GATA3: variants seen among roughly 807,000 people sequenced by gnomAD.
GATA3 encodes GATA binding protein 3.
In GATA3, 6 loss-of-function variants were observed where a neutral mutation model predicts 36.0. That is an observed-to-expected ratio of 0.17 (90% CI 0.09 to 0.33). The LOEUF (loss-of-function observed/expected upper bound fraction) is 0.33, where lower values mean the gene tolerates loss of function less well. Among genes scored for constraint, GATA3 ranks in the 10% least tolerant of loss-of-function variants. The probability of loss-of-function intolerance (pLI) is 1.00; values close to 1 mark genes in which losing one functional copy is unlikely to be tolerated. For missense variants in GATA3, 514 were observed against 610.1 expected, an observed-to-expected ratio of 0.84 and a Z score of 1.66; for synonymous variants, 326 against 273.0, an observed-to-expected ratio of 1.19 and a Z score of -1.92.
chr10:8,057,110 C>T (rs552771923), intron 2 of GATA3, among the ~76,000 whole-genome samples: 16 of 152,334 alleles, frequency 1.1e-4, no homozygotes, highest in Admixed American at 9.1e-4. Flanking sequence ...GCGGTAGAGG[C>T]AGACTTAATA....
At position 8,069,526 on chromosome 10, in the gene GATA3, C is replaced by A. The variant is rs768077627; in HGVS notation, c.978C>A (p.Thr326=). The change falls in exon 5 of 6, where the codon ACC becomes ACA. Residue 326 remains threonine, a synonymous_variant. Transcript: ENST00000379328. The part of the protein sequence containing the change: ...TSCANCQTTT[T]TLWRRNANGD... ...GTGCGAACTGTCAGACCACCACAAC[C>A]ACACTCTGGAGGAGGAATGCCAATG... The A allele has an allele frequency of 1.9e-6, 3 of 1,614,036 alleles. No individual in the cohort carries two copies. The highest frequency in any genetic ancestry group is 2.5e-6 in the Non-Finnish European group (3 of 1,179,952).
intron 4 of GATA3, among the ~76,000 whole-genome samples, chr10:8,064,925 C>A (rs1832810786): frequency 1.6e-5 from 1 of 63,458 alleles, no homozygotes; most frequent in Non-Finnish European, 3.3e-5. Context: ...CTCTGTCAAG[C>A]ATTTATAAGG....
rs1203967321 is a variant in GATA3, at chr10:8,055,716, GGGCAGCACC to G, written c.62_70del (p.Gly21_Pro24delinsAla). The G allele has an allele frequency of 6.4e-7, 1 of 1,567,500 alleles. No individual in the cohort carries two copies. Among genetic ancestry groups the G allele is most frequent in the Non-Finnish European group, 8.6e-7 (1 of 1,156,434 alleles). ...CCACCACCACCCCGCCGTGCTCAACGGGCAGCACCCGGACACGCACCACCCGGGCCTCAG... is the reference window on the plus strand; with the variant it reads ...CCACCACCACCCCGCCGTGCTCAACGCGGACACGCACCACCCGGGCCTCAG... On this transcript the variant is annotated inframe_deletion, in exon 2 of 6. Coordinates refer to ENST00000379328, the MANE Select transcript of GATA3 (RefSeq NM_001002295.2). This position sits in a 1 kb window ranked among gnomAD's most constrained non-coding sequence, Gnocchi z 5.4.
intron 3 of GATA3, among the ~76,000 whole-genome samples, chr10:8,061,986 G>A (rs745419896): frequency 5.2e-4 from 79 of 152,370 alleles, no homozygotes; most frequent in Middle Eastern, 6.8e-3. Context: ...GACAGGGCCA[G>A]TGCTGCCCCA....
At chr10:8,049,698 G>T (rs1832438767), upstream of GATA3, among the ~76,000 whole-genome samples, 1 of 152,160 alleles carries the variant, frequency 6.6e-6, no homozygotes, top group African/African-American at 2.4e-5. Flanking sequence ...AAACCCTTGC[G>T]CGGCCAGGGT....
At chr10:8,071,883 G>A (rs1832936684) in intron 5 of GATA3, among the ~76,000 whole-genome samples, 1 of 152,124 alleles carries the variant, frequency 6.6e-6, no homozygotes, top group South Asian at 2.1e-4. Context: ...ATCTGGGGTT[G>A]TGTGGCTACT....
rs2131489776 is a variant in GATA3, at chr10:8,058,574, G to C, written c.511G>C (p.Gly171Arg). The change falls in exon 3 of 6, where the codon GGC becomes CGC. Residue 171 changes from glycine (G) to arginine (R), a missense_variant. Physicochemically the swap from Gly to Arg is moderately radical, Grantham distance 125. Transcript: ENST00000379328. ...VSPDPSLSTP[G>R]SAGSARQDEK... The stretch of plus-strand genomic sequence containing the variant: ...CCCGGACCCATCGCTGTCCACCCCA[G>C]GCTCGGCCGGCTCGGCCCGGCAGGA... The C allele has an allele frequency of 6.2e-7, 1 of 1,611,968 alleles. No individual in the cohort carries two copies. Among genetic ancestry groups the C allele is most frequent in the East Asian group, 2.2e-5 (1 of 44,824 alleles).
At chr10:8,056,095 G>C (rs1482228097) in intron 2 of GATA3, among the ~76,000 whole-genome samples, 199 bp downstream of exon 2, 1 of 152,198 alleles carries the variant, frequency 6.6e-6, no homozygotes, top group Non-Finnish European at 1.5e-5. Flanking sequence ...TTTTGAAAGA[G>C]TCGCAGCAGG....
chr10:8,059,210 T>C (rs929917674), intron 3 of GATA3, among the ~76,000 whole-genome samples: 2 of 152,220 alleles, frequency 1.3e-5, no homozygotes, highest in South Asian at 4.1e-4. Flanking sequence ...CTTGAGTGTT[T>C]CATGCTAAAA....
chr10:8,064,311 CTT>C (rs59943653), intron 4 of GATA3, among the ~76,000 whole-genome samples, 173 bp downstream of exon 4: 27 of 51,446 alleles, frequency 5.2e-4, no homozygotes, highest in African/African-American at 1.9e-3. Context: ...TCTTCTTCTT[CTT>C]TTTTTTTTTT....
rs587778379 is a variant in GATA3, at chr10:8,058,511, C to A, written c.448C>A (p.Leu150Ile). The A allele has an allele frequency of 8.1e-6, 13 of 1,612,256 alleles. No homozygotes were observed. In the Admixed American group the frequency reaches 1.3e-4, roughly 17 times the overall value. ...SLSGGHASPH[L>I]FTFPPTPPKD... ...GTCGGGGGGCCACGCCAGCCCGCAC[C>A]TCTTCACCTTCCCGCCCACCCCGCC... The change falls in exon 3 of 6, where the codon CTC (leucine) becomes ATC (isoleucine). Residue 150 changes from leucine to isoleucine, a missense_variant. Leu to Ile is a conservative substitution (Grantham distance 5). Coordinates refer to ENST00000379328, the MANE Select transcript of GATA3 (RefSeq NM_001002295.2).
rs540270725 is a variant in GATA3, at chr10:8,068,827, C to G, written c.925-646C>G. Among the ~76,000 whole-genome samples, 22 of 152,346 alleles carry G rather than the reference C, an allele frequency of 1.4e-4. No individual in the cohort carries two copies. The South Asian group carries it at 4.6e-3, about 32-fold the overall frequency. ...TTGACCTAGGATGTCCTACTTGGCG[C>G]TTCCTCAGGTGTGTCACCCATGTGT... On this transcript the variant is annotated intron_variant, in intron 4 of 5. Coordinates refer to ENST00000379328, the MANE Select transcript of GATA3 (RefSeq NM_001002295.2).
chr10:8,058,239 C>T (rs1832676201), intron 2 of GATA3, 66 bp from the exon 3 acceptor site: 1 of 1,561,814 alleles, frequency 6.4e-7, no homozygotes, highest in Non-Finnish European at 8.8e-7. Flanking sequence ...CCAGGTGTCC[C>T]TGACGGCCTC....
At chr10:8,069,363 A>C (rs1832894437) in intron 4 of GATA3, 110 bp from the exon 5 acceptor site, 1 of 1,153,776 alleles carries the variant, frequency 8.7e-7, no homozygotes, top group Non-Finnish European at 1.3e-6. Context: ...TTTTGATTTC[A>C]ATGATAATTT....
At position 8,074,949 on chromosome 10, in the gene GATA3, A is replaced by T; in HGVS notation, c.*926A>T. On this transcript the variant is annotated 3_prime_UTR_variant, in exon 6 of 6. Coordinates refer to ENST00000379328, the MANE Select transcript of GATA3 (RefSeq NM_001002295.2). ...CTTTTCCATTTTGTTTTTGGATGAT[A>T]TTTATTAAATAGCTTCTAAGAGTCC... 1 of 233,598 alleles carries T rather than the reference A, an allele frequency of 4.3e-6. No homozygotes were observed. The highest frequency in any genetic ancestry group is 6.0e-5 in the East Asian group (1 of 16,582). 14.5% of individuals were successfully genotyped at this position (233,598 alleles called of 1,614,324 possible).
At chr10:8,073,641 G>A (rs1832965947) in intron 5 of GATA3, 98 bp from the exon 6 acceptor site, 5 of 1,302,958 alleles carry the variant, frequency 3.8e-6, no homozygotes, top group South Asian at 2.7e-5. Flanking sequence ...TCCCTGATCC[G>A]GGGCGGTCAG....
chr10:8,053,908 CT>C (rs1043984717), upstream of GATA3: 4 of 152,436 alleles, frequency 2.6e-5, no homozygotes, highest in Admixed American at 1.3e-4. This position sits in a 1 kb window ranked among gnomAD's most constrained non-coding sequence, Gnocchi z 5.1. Flanking sequence ...CCCCTCCCCC[CT>C]TCTCATCCCT....
intron 5 of GATA3, among the ~76,000 whole-genome samples, chr10:8,071,524 C>T (rs1049121833): frequency 1.6e-4 from 24 of 152,114 alleles, no homozygotes; most frequent in Admixed American, 1.4e-3. Context: ...ATGAATTTCT[C>T]AAATCAAAGT....
At chr10:8,061,876 T>C (rs927634571) in intron 3 of GATA3, among the ~76,000 whole-genome samples, 1 of 152,146 alleles carries the variant, frequency 6.6e-6, no homozygotes, top group Non-Finnish European at 1.5e-5. Context: ...CACAGCGGCC[T>C]CTCCTCACAC....
Sources: allele counts gnomAD v4.1 joint callset (sites outside exome capture counted in the v4.1 genomes callset), GRCh38; gene constraint gnomAD v4.1.1; non-coding constraint Gnocchi (gnomAD v3.1); transcripts MANE v1.5; gene names NCBI Gene and HGNC (gene_info 2026-07-23, HGNC 2026-07-21).